SASH1: variants seen among roughly 807,000 people sequenced by gnomAD.
SASH1 encodes the protein SAM and SH3 domain containing 1.
SASH1 carries 44 observed loss-of-function variants against 125.2 expected under a neutral mutation model. The observed-to-expected ratio is 0.35, with a 90% CI of 0.28 to 0.45. The LOEUF is 0.45. Among genes scored for constraint, SASH1 ranks in the 20% least tolerant of loss-of-function variants. The pLI is 1.00. For synonymous variants in SASH1, 639 were observed against 649.1 expected, an observed-to-expected ratio of 0.98 and a Z score of 0.24; for missense variants, 1,426 against 1,614.5, an observed-to-expected ratio of 0.88 and a Z score of 2.00.
At chr6:148,228,784 G>T in the SASH1 span, among the ~76,000 whole-genome samples, 1 of 152,078 alleles carries the variant, frequency 6.6e-6, no homozygotes, top group Non-Finnish European at 1.5e-5. Context: ...ATTTAAATTG[G>T]TTTGTAGTAC....
chr6:148,443,445 A>AAT (rs1160464771), intron 4 of SASH1, among the ~76,000 whole-genome samples: 1 of 147,152 alleles, frequency 6.8e-6, no homozygotes, highest in Admixed American at 6.8e-5. Context: ...ATATATATAT[A>AAT]ATATATATAT....
At chr6:148,293,343 A>T (rs1467559390) in intron 1 of SASH1, among the ~76,000 whole-genome samples, 1 of 152,170 alleles carries the variant, frequency 6.6e-6, no homozygotes. Context: ...AGCCAGTGAG[A>T]CATCTCCGAT....
intron 2 of SASH1, among the ~76,000 whole-genome samples, chr6:148,431,549 G>T (rs1201841643): frequency 6.6e-6 from 1 of 152,082 alleles, no homozygotes; most frequent in Non-Finnish European, 1.5e-5. Flanking sequence ...TCCATGAATT[G>T]ACTGGAATAG....
intron 2 of SASH1, among the ~76,000 whole-genome samples, chr6:148,397,477 T>A (rs2114855113): frequency 6.6e-6 from 1 of 152,220 alleles, no homozygotes; most frequent in South Asian, 2.1e-4. Flanking sequence ...AGAGTGAGAC[T>A]CCGTCTCAAA....
chr6:148,225,851 A>C, the SASH1 span, among the ~76,000 whole-genome samples: 1 of 152,252 alleles, frequency 6.6e-6, no homozygotes, highest in Non-Finnish European at 1.5e-5. Flanking sequence ...GTCTACATCA[A>C]AGTGACCAAC....
At chr6:148,390,812 T>G (rs1209346562) in intron 2 of SASH1, among the ~76,000 whole-genome samples, 1 of 151,950 alleles carries the variant, frequency 6.6e-6, no homozygotes, top group Admixed American at 6.6e-5. Flanking sequence ...AGATTTTTAT[T>G]TTTATTTTTT....
chr6:148,403,894 C>T (rs998185036), intron 2 of SASH1, among the ~76,000 whole-genome samples: 5 of 152,222 alleles, frequency 3.3e-5, no homozygotes, highest in African/African-American at 1.2e-4. Context: ...CCATAATATT[C>T]ACCCTTTTAA....
chr6:148,405,761 G>T (rs904423632), intron 2 of SASH1, among the ~76,000 whole-genome samples: 2 of 152,142 alleles, frequency 1.3e-5, no homozygotes, highest in Non-Finnish European at 2.9e-5. Flanking sequence ...AGAAACCCCA[G>T]CTGGACCCCT....
Position 148,519,204 on chromosome 6 carries a change from G to A in SASH1, c.863-343G>A, listed in dbSNP as rs966513624. ...AAAGATCCTGATTCCTAGTTTCAGA[G>A]GGTTGCATTTACAAACTGCAGAGGG... On this transcript the variant is annotated intron_variant, in intron 9 of 19. Coordinates refer to ENST00000367467, the MANE Select transcript of SASH1 (RefSeq NM_015278.5). The surrounding 1 kb of genome is among the most constrained non-coding windows in gnomAD (Gnocchi z 4.8). Among the ~76,000 whole-genome samples, 1 of 152,222 alleles carries A rather than the reference G, an allele frequency of 6.6e-6. No individual in the cohort carries two copies. The highest frequency in any genetic ancestry group is 1.5e-5 in the Non-Finnish European group (1 of 68,044).
intron 2 of SASH1, among the ~76,000 whole-genome samples, chr6:148,414,066 C>G (rs771957395): frequency 4.6e-5 from 7 of 152,160 alleles, no homozygotes; most frequent in Non-Finnish European, 1.0e-4. Context: ...ATATTTACAG[C>G]AGGGGCAAGT....
intron 1 of SASH1, among the ~76,000 whole-genome samples, chr6:148,380,979 T>G (rs117736689): frequency 0.014 from 2,100 of 152,324 alleles, 27 homozygotes; most frequent in Non-Finnish European, 0.02. Flanking sequence ...TAGTAGATGT[T>G]TAGTAAATAT....
chr6:148,246,246 T>C, the SASH1 span, among the ~76,000 whole-genome samples: 1 of 152,236 alleles, frequency 6.6e-6, no homozygotes, highest in East Asian at 1.9e-4. Context: ...AGTCTTTTCA[T>C]TGTCATTTAT....
the SASH1 span, among the ~76,000 whole-genome samples, chr6:148,260,345 T>C: frequency 0.084 from 12,751 of 152,152 alleles, 611 homozygotes; most frequent in African/African-American, 0.13. Context: ...CCATGACTCA[T>C]GCCTGTAATC....
chr6:148,250,020 G>GA, the SASH1 span, among the ~76,000 whole-genome samples: 3 of 152,154 alleles, frequency 2.0e-5, no homozygotes, highest in Non-Finnish European at 2.9e-5. Context: ...CTTTACAGCA[G>GA]AATTAACTGA....
Position 148,411,166 on chromosome 6 carries a change from C to CAAAAA in SASH1, c.285+20930_285+20934dup, listed in dbSNP as rs56342457. On this transcript the variant is annotated intron_variant, in intron 2 of 19. Transcript: ENST00000367467. ...TACAACAAGAGCGAAACTCCATCTCCAAAAAAAAAAAAAAAAAAAAAAAAA... is the reference window on the plus strand; with the variant it reads ...TACAACAAGAGCGAAACTCCATCTCCAAAAAAAAAAAAAAAAAAAAAAAAAAAAAA... Among the ~76,000 whole-genome samples, 195 of 46,184 alleles carry CAAAAA rather than the reference C, an allele frequency of 4.2e-3. 6 individuals are homozygous for CAAAAA. Among genetic ancestry groups the CAAAAA allele is most frequent in the South Asian group, 8.3e-3 (5 of 606 alleles). 30.3% of individuals were successfully genotyped at this position (46,184 alleles called of 152,430 possible). A position where few individuals can be genotyped will look rare whatever the true frequency, so the allele number is the denominator to read the frequency against.
chr6:148,246,115 C>G, the SASH1 span, among the ~76,000 whole-genome samples: 10 of 152,290 alleles, frequency 6.6e-5, 1 homozygote, highest in South Asian at 2.1e-3. Flanking sequence ...CTCTTCTCTT[C>G]TCTTTTCTCT....
At chr6:148,312,975 T>C (rs1780374358) in intron 1 of SASH1, among the ~76,000 whole-genome samples, 1 of 151,966 alleles carries the variant, frequency 6.6e-6, no homozygotes, top group Admixed American at 6.6e-5. Context: ...AGAGATTCAG[T>C]GGGATGTGCA....
chr6:148,537,776 CTGTGTGTGTGTGTGTGTGTG>C (rs55644027), intron 16 of SASH1, among the ~76,000 whole-genome samples: 4,604 of 125,684 alleles, frequency 0.037, 114 homozygotes, highest in Admixed American at 0.073. Flanking sequence ...TTAGCATATT[CTGTGTGTGTGTGTGTGTGTG>C]TGTGTGTGTG....
chr6:148,520,068 A>G, intron 10 of SASH1, 175 bp downstream of exon 10: 5 of 594,244 alleles, frequency 8.4e-6, no homozygotes, highest in Non-Finnish European at 1.5e-5. Flanking sequence ...AGGCGTCACC[A>G]GCACCACCTG....
Sources: gnomAD v4.1 joint callset for allele counts (sites outside exome capture counted in the v4.1 genomes callset) on GRCh38, gnomAD v4.1.1 for gene constraint, Gnocchi (gnomAD v3.1) non-coding constraint, MANE v1.5 for transcripts, NCBI Gene and HGNC (gene_info 2026-07-23, HGNC 2026-07-21) for gene names.